The following CCDC180 variants were observed in gnomAD, a reference collection of about 807,000 sequenced individuals.
The protein encoded by CCDC180 is coiled-coil domain containing 180.
CCDC180 carries 154 observed loss-of-function variants against 209.2 expected under a neutral mutation model. The ratio of observed to expected loss-of-function variants is 0.74; its 90% CI spans 0.65 to 0.84. CCDC180 has a LOEUF of 0.84. Among genes scored for constraint, CCDC180 ranks in the 40% least tolerant of loss-of-function variants. The pLI is 0.00. For synonymous variants in CCDC180, 778 were observed against 749.1 expected, an observed-to-expected ratio of 1.04 and a Z score of -0.63; for missense variants, 1,874 against 1,997.3, an observed-to-expected ratio of 0.94 and a Z score of 1.18.
chr9:97,361,838 G>C lies in CCDC180; in HGVS notation c.3596G>C (p.Ser1199Thr). ...VVTPESFTQL[S>T]RVGKPLIEDP... Reference sequence around the variant, plus strand: ...ACCCCTGAGTCCTTCACCCAGCTGAGCCGCGTGGGGAAGCCCCTGATTGAG... The same window carrying C: ...ACCCCTGAGTCCTTCACCCAGCTGACCCGCGTGGGGAAGCCCCTGATTGAG... The change falls in exon 27 of 37, where the codon AGC becomes ACC. Residue 1199 changes from serine (S) to threonine (T), a missense_variant. By Grantham distance (58) the Ser-to-Thr change is moderately conservative (BLOSUM62 1). Coordinates refer to ENST00000529487, the MANE Select transcript of CCDC180 (RefSeq NM_020893.6). 1 of 1,614,194 alleles carries C rather than the reference G, an allele frequency of 6.2e-7. No individual in the cohort carries two copies. Among genetic ancestry groups the C allele is most frequent in the Non-Finnish European group, 8.5e-7 (1 of 1,180,040 alleles).
chr9:97,313,336 G>T lies in CCDC180; in HGVS notation c.450G>T (p.Gln150His). 1 of 1,608,618 alleles carries T rather than the reference G, an allele frequency of 6.2e-7. No individual in the cohort carries two copies. Among genetic ancestry groups the T allele is most frequent in the Non-Finnish European group, 8.5e-7 (1 of 1,175,698 alleles). ...CCAGCTTTCAGGAGGAGATTGCGCA[G>T]GTGGGAAAGGTGAGAATCCTCCCTC... ...ALASFQEEIAQVGKEMEPLIV... is the reference protein window; with the variant it reads ...ALASFQEEIAHVGKEMEPLIV... Residue 150 changes from glutamine to histidine, a missense_variant, in exon 5 of 37, where the codon CAG (glutamine) becomes CAT (histidine). By Grantham distance (24) the Gln-to-His change is conservative (BLOSUM62 0). Coordinates refer to ENST00000529487, the MANE Select transcript of CCDC180 (RefSeq NM_020893.6).
Position 97,366,414 on chromosome 9 carries a change from G to T in CCDC180, c.4048-145G>T. 1.3e-6 allele frequency: 1 copy of T among 758,068 alleles called. No individual in the cohort carries two copies. Among genetic ancestry groups the T allele is most frequent in the Non-Finnish European group, 2.1e-6 (1 of 477,848 alleles). The allele number at this position is 758,068 out of a possible 1,614,324, so 47.0% of individuals were successfully genotyped here. A position where few individuals can be genotyped will look rare whatever the true frequency, so the allele number is the denominator to read the frequency against. ...GGCGACACGGGCAGACAGGGAAGGAGGAGTGTCTGCTCGTGTCACTTCCAC... is the reference window on the plus strand; with the variant it reads ...GGCGACACGGGCAGACAGGGAAGGATGAGTGTCTGCTCGTGTCACTTCCAC... On this transcript the variant is annotated intron_variant, in intron 30 of 36. Transcript: ENST00000529487. This position sits in a 1 kb window ranked among gnomAD's most constrained non-coding sequence, Gnocchi z 4.3.
chr9:97,335,565 A>G (rs1825879233), intron 18 of CCDC180, among the ~76,000 whole-genome samples: 1 of 152,092 alleles, frequency 6.6e-6, no homozygotes, highest in South Asian at 2.1e-4. Flanking sequence ...CATTTTCTTA[A>G]TCCAGTCTAT....
At chr9:97,374,521 C>G in intron 34 of CCDC180, 22 bp from the exon 35 acceptor site, 1 of 1,583,268 alleles carries the variant, frequency 6.3e-7, no homozygotes. Flanking sequence ...GCTGCAGTCA[C>G]TAGCCTGTCT....
At chr9:97,336,754 A>C (rs551724644) in intron 18 of CCDC180, among the ~76,000 whole-genome samples, 1 of 152,222 alleles carries the variant, frequency 6.6e-6, no homozygotes, top group Non-Finnish European at 1.5e-5. Flanking sequence ...TAACTTGGGC[A>C]GTATGGCCAT....
In CCDC180 at chr9:97,346,978, A is replaced by C. The variant is rs193084169; in HGVS notation, c.2499-336A>C. ...CAATACACTCTGAGACTGTGGAGAA[A>C]TAGGAACATTGCTGATAAGAATACA... On this transcript the variant is annotated intron_variant, in intron 19 of 36. Transcript: ENST00000529487. 4.2e-3 allele frequency among the ~76,000 whole-genome samples: 641 copies of C among 152,370 alleles called. 16 individuals carry two copies. Among genetic ancestry groups the C allele is most frequent in the Admixed American group, 0.037 (572 of 15,302 alleles).
intron 35 of CCDC180, among the ~76,000 whole-genome samples, chr9:97,374,867 T>C (rs762650008): frequency 6.6e-6 from 1 of 152,224 alleles, no homozygotes; most frequent in Non-Finnish European, 1.5e-5. Flanking sequence ...CCCCAGCACA[T>C]ACAAACAGCT....
rs1205310413 is a variant in CCDC180, at chr9:97,370,032, G to A, written c.4300G>A (p.Glu1434Lys). The change falls in exon 32 of 37, where the codon GAG becomes AAG. Residue 1434 changes from glutamate (E) to lysine (K), a missense_variant. Coordinates refer to ENST00000529487, the MANE Select transcript of CCDC180 (RefSeq NM_020893.6). Reference sequence around the variant, plus strand: ...GAAAAAGTTTTTCACCTCTGTGAAGGAGATCCGAGGACAGTTCGAGGAACA... The same window carrying A: ...GAAAAAGTTTTTCACCTCTGTGAAGAAGATCCGAGGACAGTTCGAGGAACA... Reference protein sequence around the residue: ...HWKKFFTSVKEIRGQFEEQQK... With the variant: ...HWKKFFTSVKKIRGQFEEQQK... 1.2e-6 allele frequency: 2 copies of A among 1,614,092 alleles called. No individual in the cohort carries two copies. Among genetic ancestry groups the A allele is most frequent in the Non-Finnish European group, 1.7e-6 (2 of 1,180,052 alleles).
chr9:97,366,426 C>G lies in CCDC180; in HGVS notation c.4048-133C>G. 2.3e-6 allele frequency: 2 copies of G among 874,492 alleles called. No individual in the cohort carries two copies. The highest frequency in any genetic ancestry group is 2.8e-5 in the Admixed American group (1 of 35,982). The allele number at this position is 874,492 out of a possible 1,614,324, so 54.2% of individuals were successfully genotyped here. A position where few individuals can be genotyped will look rare whatever the true frequency, so the allele number is the denominator to read the frequency against. ...AGACAGGGAAGGAGGAGTGTCTGCT[C>G]GTGTCACTTCCACAGGGGATGCCAC... On this transcript the variant is annotated intron_variant, in intron 30 of 36. Coordinates refer to ENST00000529487, the MANE Select transcript of CCDC180 (RefSeq NM_020893.6). This position sits in a 1 kb window ranked among gnomAD's most constrained non-coding sequence, Gnocchi z 4.3.
chr9:97,367,603 A>G (rs1040449087), intron 31 of CCDC180, among the ~76,000 whole-genome samples: 2 of 151,872 alleles, frequency 1.3e-5, no homozygotes, highest in Admixed American at 6.6e-5. Flanking sequence ...CCTCCTGAGT[A>G]GCTGGGACTA....
chr9:97,358,666 G>T (rs368465223), intron 25 of CCDC180, among the ~76,000 whole-genome samples: 1 of 152,016 alleles, frequency 6.6e-6, no homozygotes, highest in Non-Finnish European at 1.5e-5. Flanking sequence ...CTGGATCTAC[G>T]GGTTCAACTC....
At position 97,314,652 on chromosome 9, in the gene CCDC180, G is replaced by A. The variant is rs377007527; in HGVS notation, c.623G>A (p.Arg208Gln). Reference protein sequence around the residue: ...LLELWDKVAGRLLLRKQEIKE... With the variant: ...LLELWDKVAGQLLLRKQEIKE... ...GAGCTGTGGGATAAGGTGGCCGGGC[G>A]GTTACTGCTCCGGAAGCAGGAGATT... The change falls in exon 7 of 37, where the codon CGG becomes CAG. Residue 208 changes from arginine to glutamine, a missense_variant. Physicochemically the swap from Arg to Gln is conservative, Grantham distance 43. Coordinates refer to ENST00000529487, the MANE Select transcript of CCDC180 (RefSeq NM_020893.6). The A allele has an allele frequency of 5.6e-6, 9 of 1,613,954 alleles. No individual in the cohort carries two copies. Among genetic ancestry groups the A allele is most frequent in the African/African-American group, 4.0e-5 (3 of 74,920 alleles).
intron 4 of CCDC180, 121 bp downstream of exon 4, chr9:97,312,322 C>A (rs561487326): frequency 5.3e-6 from 4 of 760,316 alleles, no homozygotes; most frequent in Non-Finnish European, 6.5e-6. Context: ...CTGTGTTCCT[C>A]GGCTCAGCCA....
intron 3 of CCDC180, among the ~76,000 whole-genome samples, chr9:97,310,674 C>T (rs952171937): frequency 2.0e-5 from 3 of 152,146 alleles, no homozygotes; most frequent in Non-Finnish European, 2.9e-5. Context: ...CTTGGTTGTT[C>T]CTTTCACCCT....
chr9:97,322,698 T>C, intron 11 of CCDC180, 135 bp from the exon 12 acceptor site: 1 of 716,588 alleles, frequency 1.4e-6, no homozygotes, highest in Non-Finnish European at 2.4e-6. Context: ...CAGCCCCTGA[T>C]CTCAATCGGG....
In CCDC180 at chr9:97,309,589, A is replaced by G; in HGVS notation, c.245A>G (p.Asn82Ser). Residue 82 changes from asparagine (N) to serine (S), a missense_variant, in exon 3 of 37, where the codon AAC (asparagine) becomes AGC (serine). Asn to Ser is a conservative substitution (Grantham distance 46). Transcript: ENST00000529487. ...HSLPNDWIME[N>S]PVLHREKERA... ...CTCCCCAACGACTGGATCATGGAAAACCCTGTTCTCCACAGGTAGGTCCTG... is the reference window on the plus strand; with the variant it reads ...CTCCCCAACGACTGGATCATGGAAAGCCCTGTTCTCCACAGGTAGGTCCTG... The G allele has an allele frequency of 6.3e-7, 1 of 1,582,046 alleles. No homozygotes were observed.
intron 10 of CCDC180, among the ~76,000 whole-genome samples, chr9:97,319,326 G>A (rs1833281682): frequency 6.6e-6 from 1 of 152,140 alleles, no homozygotes; most frequent in Non-Finnish European, 1.5e-5. Flanking sequence ...AAAGAATTTG[G>A]TGTCCTTTTT....
Position 97,366,797 on chromosome 9 carries a change from G to GA in CCDC180, c.4189+97_4189+98insA. On this transcript the variant is annotated intron_variant, in intron 31 of 36. Transcript: ENST00000529487. This position sits in a 1 kb window ranked among gnomAD's most constrained non-coding sequence, Gnocchi z 4.3. ...CCTTGTGGCCTGGATCCTCCCCTCT[G>GA]GGGGAGGCAGAAGAGCTTCCCTGTG... 1.5e-5 allele frequency: 19 copies of GA among 1,300,434 alleles called. No homozygotes were observed. The highest frequency in any genetic ancestry group is 2.5e-5 in the East Asian group (1 of 40,324). The allele number at this position is 1,300,434 out of a possible 1,614,324, so 80.6% of individuals were successfully genotyped here.
chr9:97,346,857 A>G lies in CCDC180; in HGVS notation c.2499-457A>G, dbSNP rs534562954. 7.9e-5 allele frequency among the ~76,000 whole-genome samples: 12 copies of G among 152,350 alleles called. 1 individual carries two copies. In the South Asian group the frequency reaches 2.3e-3, roughly 29 times the overall value. On this transcript the variant is annotated intron_variant, in intron 19 of 36. Transcript: ENST00000529487. ...CTCCCAAAGTGCTGGGATCATAGGC[A>G]TGAGCCACAGTGCCCAGCCTAAATA...
Sources: allele counts gnomAD v4.1 joint callset (sites outside exome capture counted in the v4.1 genomes callset), GRCh38; gene constraint gnomAD v4.1.1; non-coding constraint Gnocchi (gnomAD v3.1); transcripts MANE v1.5; gene names NCBI Gene and HGNC (gene_info 2026-07-23, HGNC 2026-07-21).